Variants in VPS13A observed in about 807,000 individuals in gnomAD.
VPS13A encodes vacuolar protein sorting 13 homolog A, also known as intermembrane lipid transfer protein VPS13A.
Under a neutral mutation model 390.9 loss-of-function variants are expected in VPS13A, and 264 were observed. The ratio of observed to expected loss-of-function variants is 0.68; its 90% CI spans 0.61 to 0.75. VPS13A has a LOEUF of 0.75. Ranked by LOEUF, VPS13A falls within the 30% of genes least tolerant of loss-of-function variation. The pLI, the probability that VPS13A is intolerant of heterozygous loss-of-function variation, is 0.00. For synonymous variants in VPS13A, 1,231 were observed against 1,227.1 expected, an observed-to-expected ratio of 1.00 and a Z score of -0.07; for missense variants, 3,409 against 3,733.9, an observed-to-expected ratio of 0.91 and a Z score of 2.27.
intron 1 of VPS13A, among the ~76,000 whole-genome samples, chr9:77,197,842 T>C (rs1447167270): frequency 1.3e-5 from 2 of 152,248 alleles, no homozygotes; most frequent in Non-Finnish European, 2.9e-5. Flanking sequence ...CTGTCTCAGC[T>C]GCCCATGTGG....
intron 68 of VPS13A, chr9:77,383,127 TAA>T (rs1366272682): frequency 5.0e-6 from 4 of 794,492 alleles, no homozygotes; most frequent in Non-Finnish European, 6.1e-6. Context: ...GTGATCAGAG[TAA>T]AGATTTAAAC....
intron 47 of VPS13A, chr9:77,339,284 A>G: frequency 1.9e-6 from 1 of 515,422 alleles, no homozygotes; most frequent in Non-Finnish European, 3.4e-6. Context: ...TGTCCTTTGA[A>G]GTAAGTCATT....
rs184427172 is a variant in VPS13A, at chr9:77,411,586, C to G, written c.9474+3979C>G. 2.8e-3 allele frequency among the ~76,000 whole-genome samples: 394 copies of G among 140,490 alleles called. 5 individuals are homozygous for G. The highest frequency in any genetic ancestry group is 0.025 in the East Asian group (107 of 4,328). The allele number at this position is 140,490 out of a possible 152,430, so 92.2% of individuals were successfully genotyped here. On this transcript the variant is annotated intron_variant, in intron 71 of 71. Coordinates refer to ENST00000360280, the MANE Select transcript of VPS13A (RefSeq NM_033305.3). ...GCTGAGGCAGGAGAATGGCATGAAC[C>G]TGGGAGGCGGAGCTTGCAATCAGCC...
chr9:77,300,132 T>A (rs796706269), intron 33 of VPS13A, among the ~76,000 whole-genome samples: 3 of 152,354 alleles, frequency 2.0e-5, no homozygotes, highest in African/African-American at 7.2e-5. Context: ...ATAGCTTTTT[T>A]CTTAATAATA....
chr9:77,321,658 T>A lies in VPS13A; in HGVS notation c.5742T>A (p.Ser1914Arg). The A allele has an allele frequency of 6.2e-7, 1 of 1,613,264 alleles. No homozygotes were observed. The highest frequency in any genetic ancestry group is 8.5e-7 in the Non-Finnish European group (1 of 1,179,516). ...AKSYVLKNGESLSMDYIRTKD... is the reference protein window; with the variant it reads ...AKSYVLKNGERLSMDYIRTKD... ...CATATGTATTGAAAAATGGAGAAAG[T>A]TTAAGTATGGATTATATCCGAACCA... is the stretch of plus-strand genomic sequence containing the variant. The change falls in exon 44 of 72, where the codon AGT becomes AGA. Residue 1914 changes from serine to arginine, a missense_variant. This residue lies in a region of VPS13A where 2,717 missense variants were observed against 2,917.4 expected (regional missense o/e 0.93). Transcript: ENST00000360280.
chr9:77,382,188 A>T (rs1282362373), intron 68 of VPS13A, 101 bp downstream of exon 68: 2 of 1,327,450 alleles, frequency 1.5e-6, no homozygotes, highest in East Asian at 2.6e-5. Flanking sequence ...GCTTTTATCT[A>T]TTTTGCTTAA....
chr9:77,370,509 A>C lies in VPS13A; in HGVS notation c.8838A>C (p.Arg2946Ser). The change falls in exon 65 of 72, where the codon AGA becomes AGC. Residue 2946 changes from arginine to serine, a missense_variant. Coordinates refer to ENST00000360280, the MANE Select transcript of VPS13A (RefSeq NM_033305.3). Reference protein sequence around the residue: ...TMDEDYQQKRREAMNKQPAGF... With the variant: ...TMDEDYQQKRSEAMNKQPAGF... ...ATGAAGACTACCAACAGAAGAGAAG[A>C]GAAGCCATGAATAAGCAACCAGCTG... 1.2e-6 allele frequency: 2 copies of C among 1,614,184 alleles called. No homozygotes were observed. The highest frequency in any genetic ancestry group is 1.7e-6 in the Non-Finnish European group (2 of 1,180,026).
At chr9:77,405,793 G>C (rs574106597) in intron 69 of VPS13A, 71 bp from the exon 70 acceptor site, 4 of 1,585,526 alleles carry the variant, frequency 2.5e-6, no homozygotes, top group Non-Finnish European at 3.4e-6. Context: ...CGATTCATTC[G>C]TATCCTGTTG....
intron 26 of VPS13A, 106 bp downstream of exon 26, chr9:77,276,327 A>G: frequency 1.9e-6 from 2 of 1,050,370 alleles, no homozygotes; most frequent in Admixed American, 6.0e-5. Flanking sequence ...TTGCTGAAAT[A>G]TTCTCAGAGA....
At chr9:77,402,565 A>G (rs1474643618) in intron 68 of VPS13A, among the ~76,000 whole-genome samples, 1 of 151,404 alleles carries the variant, frequency 6.6e-6, no homozygotes, top group Non-Finnish European at 1.5e-5. Flanking sequence ...CTCAGAGCAA[A>G]TATTACTGAA....
chr9:77,396,143 G>A (rs888317897), intron 68 of VPS13A, among the ~76,000 whole-genome samples: 3 of 152,088 alleles, frequency 2.0e-5, no homozygotes, highest in Admixed American at 1.3e-4. Context: ...TATTAAGTAC[G>A]TTAATTGATG....
rs961016095 is a variant in VPS13A, at chr9:77,344,219, C to T, written c.7093C>T (p.Pro2365Ser). Reference sequence around the variant, plus strand: ...TATTCAAGTCGAAAGGAGTGAAGATCCTCCCAAAAGGATATATTTTAACAA... The same window carrying T: ...TATTCAAGTCGAAAGGAGTGAAGATTCTCCCAAAAGGATATATTTTAACAA... ...LLIQVERSED[P>S]PKRIYFNKQE... Residue 2365 changes from proline (P) to serine (S), a missense_variant, in exon 51 of 72, where the codon CCT becomes TCT. Pro to Ser is a moderately conservative substitution (Grantham distance 74). Coordinates refer to ENST00000360280, the MANE Select transcript of VPS13A (RefSeq NM_033305.3). 1.2e-6 allele frequency: 2 copies of T among 1,612,996 alleles called. No homozygotes were observed. The highest frequency in any genetic ancestry group is 2.7e-5 in the African/African-American group (2 of 74,850).
chr9:77,376,859 A>G (rs558157112), intron 67 of VPS13A, among the ~76,000 whole-genome samples: 1 of 152,290 alleles, frequency 6.6e-6, no homozygotes, highest in South Asian at 2.1e-4. Context: ...AGGTCCAAGG[A>G]CTTGGCTTTC....
chr9:77,383,531 A>G (rs750350333), intron 68 of VPS13A, among the ~76,000 whole-genome samples: 17 of 152,090 alleles, frequency 1.1e-4, no homozygotes, highest in Non-Finnish European at 2.2e-4. Flanking sequence ...AATCAAATAT[A>G]GTACGAAGTA....
At chr9:77,238,691 C>T (rs960479325) in intron 19 of VPS13A, among the ~76,000 whole-genome samples, 2 of 152,064 alleles carry the variant, frequency 1.3e-5, no homozygotes, top group African/African-American at 2.4e-5. Context: ...AGAATGCGTT[C>T]CAGATTTTGA....
At chr9:77,391,113 A>C (rs1329905329) in intron 68 of VPS13A, among the ~76,000 whole-genome samples, 1 of 131,270 alleles carries the variant, frequency 7.6e-6, no homozygotes, top group Non-Finnish European at 1.6e-5. Flanking sequence ...CTTCAGCCTT[A>C]ATTAAGCAAA....
chr9:77,415,999 G>T lies in VPS13A; in HGVS notation c.9518G>T (p.Ser3173Ile). The T allele has an allele frequency of 6.2e-7, 1 of 1,613,428 alleles. No individual in the cohort carries two copies. Among genetic ancestry groups the T allele is most frequent in the Non-Finnish European group, 8.5e-7 (1 of 1,179,488 alleles). Residue 3173 changes from serine (S) to isoleucine (I), a missense_variant, in exon 72 of 72, where the codon AGC (serine) becomes ATC (isoleucine). Ser to Ile is a moderately radical substitution (Grantham distance 142). Coordinates refer to ENST00000360280, the MANE Select transcript of VPS13A (RefSeq NM_033305.3). ...KLQEAREPSP[S>I]L ...CAAGAAGCAAGAGAACCTTCTCCGA[G>T]CCTCTGACAGAGAACACTGCCTGAA... is the stretch of plus-strand genomic sequence containing the variant.
At chr9:77,372,274 T>C (rs1832817439) in intron 67 of VPS13A, among the ~76,000 whole-genome samples, 1 of 151,826 alleles carries the variant, frequency 6.6e-6, no homozygotes, top group Admixed American at 6.6e-5. Flanking sequence ...ACCAACAGTG[T>C]AAAAGTTTTC....
In VPS13A at chr9:77,319,580, T is replaced by C. The variant is rs1829616620; in HGVS notation, c.5322T>C (p.Tyr1774=). The C allele has an allele frequency of 6.3e-7, 1 of 1,599,510 alleles. No individual in the cohort carries two copies. The highest frequency in any genetic ancestry group is 1.3e-5 in the African/African-American group (1 of 74,602). ...AAAAATTCTCTCTGTAGGTGCATTA[T>C]TATAATGAAATGTTTGGTGTATGGG... ...LHCQLELEVH[Y]YNEMFGVWEP... Residue 1774 remains tyrosine (Y), a synonymous_variant, in exon 42 of 72, where the codon TAT becomes TAC. Transcript: ENST00000360280.
Sources: allele counts gnomAD v4.1 joint callset (sites outside exome capture counted in the v4.1 genomes callset), GRCh38; gene constraint gnomAD v4.1.1; regional missense constraint gnomAD v4.1.1; transcripts MANE v1.5; gene names NCBI Gene and HGNC (gene_info 2026-07-23, HGNC 2026-07-21).